The following PDCL3 variants were observed in gnomAD, a reference collection of about 807,000 sequenced individuals.
PDCL3 encodes phosducin like 3.
PDCL3 carries 22 observed loss-of-function variants against 26.5 expected under a neutral mutation model. The observed-to-expected ratio is 0.83, with a 90% CI of 0.59 to 1.19. The LOEUF is 1.19. Ranked by LOEUF, PDCL3 falls within the 50% of genes most tolerant of loss-of-function variation. PDCL3 has a pLI of 0.00. For synonymous variants in PDCL3, 81 were observed against 104.9 expected (o/e 0.77, Z 1.39); for missense variants, 246 against 294.1 (o/e 0.84, Z 1.20).
chr2:100,565,766 A>G (rs979652320), intron 1 of PDCL3, among the ~76,000 whole-genome samples: 3 of 152,126 alleles, frequency 2.0e-5, no homozygotes, highest in African/African-American at 7.2e-5. Context: ...GTTTGTATAT[A>G]TACTTGTTTG....
intron 5 of PDCL3, among the ~76,000 whole-genome samples, chr2:100,575,207 C>T (rs761097189): frequency 9.9e-5 from 15 of 152,260 alleles, no homozygotes; most frequent in Non-Finnish European, 1.8e-4. Flanking sequence ...GCGATCTCGG[C>T]TCACTGCAAG....
chr2:100,564,357 C>G (rs1398863918), intron 1 of PDCL3, among the ~76,000 whole-genome samples: 1 of 151,902 alleles, frequency 6.6e-6, no homozygotes, highest in Non-Finnish European at 1.5e-5. Context: ...AGTGCAGTGG[C>G]GCGACCTCGG....
intron 5 of PDCL3, 67 bp downstream of exon 5, chr2:100,571,865 C>T: frequency 1.3e-6 from 2 of 1,503,270 alleles, no homozygotes; most frequent in Non-Finnish European, 1.9e-6. Context: ...GAGAGAGTGT[C>T]TATTTCCTGG....
chr2:100,564,064 C>CA (rs1675012594), intron 1 of PDCL3, among the ~76,000 whole-genome samples: 1 of 150,648 alleles, frequency 6.6e-6, no homozygotes, highest in African/African-American at 2.4e-5. Flanking sequence ...GGCGTGCACC[C>CA]ACCACTCTGG....
Position 100,568,978 on chromosome 2 carries a change from G to C in PDCL3, c.181G>C (p.Asp61His). 1 of 1,614,114 alleles carries C rather than the reference G, an allele frequency of 6.2e-7. No homozygotes were observed. Among genetic ancestry groups the C allele is most frequent in the East Asian group, 2.2e-5 (1 of 44,888 alleles). The part of the protein sequence containing the change: ...MTLEELEDHE[D>H]EFNEEDERAI... ...TTTGGAAGAGCTGGAGGATCATGAAGACGAGTTTAATGAGGAGGATGAACG... is the reference window on the plus strand; with the variant it reads ...TTTGGAAGAGCTGGAGGATCATGAACACGAGTTTAATGAGGAGGATGAACG... The change falls in exon 3 of 6, where the codon GAC becomes CAC. Residue 61 changes from aspartate (D) to histidine (H), a missense_variant. Asp to His is a moderately conservative substitution (Grantham distance 81). Transcript: ENST00000264254.
In PDCL3 at chr2:100,566,607, G is replaced by A. The variant is rs760479644; in HGVS notation, c.111G>A (p.Gln37=). 1 of 1,613,928 alleles carries A rather than the reference G, an allele frequency of 6.2e-7. No homozygotes were observed. The highest frequency in any genetic ancestry group is 8.5e-7 in the Non-Finnish European group (1 of 1,179,960). Residue 37 remains glutamine, a synonymous_variant, in exon 2 of 6, where the codon CAG becomes CAA. Transcript: ENST00000264254. ...TGGAAGAGGAGGCAGAAGAGGAGCA[G>A]CGCATCCTCCAGCAGTCAGTGGGTG... ...KELEEEAEEE[Q]RILQQSVVKT...
Position 100,569,722 on chromosome 2 carries a change from G to T in PDCL3, c.368+1G>T. The T allele has an allele frequency of 1.9e-6, 3 of 1,603,660 alleles. No individual in the cohort carries two copies. Among genetic ancestry groups the T allele is most frequent in the Non-Finnish European group, 2.6e-6 (3 of 1,175,774 alleles). ...TCATCTTGCACCTTTACAAACAAGG[G>T]TGAGCTGATCTTCCACTCCATCTAT... On this transcript the variant is annotated splice_donor_variant, in intron 4 of 5. Coordinates refer to ENST00000264254, the MANE Select transcript of PDCL3 (RefSeq NM_024065.5). LOFTEE classifies it high-confidence loss of function.
At chr2:100,563,110 C>T in intron 1 of PDCL3, 37 bp downstream of exon 1, 2 of 1,589,700 alleles carry the variant, frequency 1.3e-6, no homozygotes, top group Non-Finnish European at 8.6e-7. Context: ...GGGGCTGCGG[C>T]CCGTTCCTTT....
At chr2:100,567,867 G>A (rs950721301) in intron 2 of PDCL3, among the ~76,000 whole-genome samples, 23 of 150,584 alleles carry the variant, frequency 1.5e-4, no homozygotes, top group African/African-American at 5.4e-4. Context: ...CTCTTACCCA[G>A]GCTGGACTGC....
intron 4 of PDCL3, 40 bp downstream of exon 4, chr2:100,569,761 G>T: frequency 6.3e-7 from 1 of 1,586,304 alleles, no homozygotes; most frequent in South Asian, 1.2e-5. Context: ...ATGTTAATTT[G>T]AATTTATGTC....
chr2:100,573,187 T>G (rs1181046381), intron 5 of PDCL3, among the ~76,000 whole-genome samples: 1 of 152,030 alleles, frequency 6.6e-6, no homozygotes, highest in African/African-American at 2.4e-5. Context: ...CCGGCTGTGT[T>G]TTTAAATTCC....
intron 1 of PDCL3, 74 bp downstream of exon 1, chr2:100,563,147 G>A (rs907168271): frequency 2.6e-6 from 4 of 1,518,442 alleles, no homozygotes; most frequent in African/African-American, 2.8e-5. Flanking sequence ...GCGGGCAGTG[G>A]ACGCCCGCCC....
chr2:100,573,214 A>G (rs993193652), intron 5 of PDCL3, among the ~76,000 whole-genome samples: 9 of 152,108 alleles, frequency 5.9e-5, no homozygotes, highest in African/African-American at 1.9e-4. Flanking sequence ...CCTGTTAAAC[A>G]TGGAGGTATC....
chr2:100,568,011 C>T (rs1312399774), intron 2 of PDCL3, among the ~76,000 whole-genome samples: 2 of 152,082 alleles, frequency 1.3e-5, no homozygotes, highest in East Asian at 3.9e-4. Flanking sequence ...GATGAGGTTT[C>T]ACCATGTTGG....
intron 1 of PDCL3, among the ~76,000 whole-genome samples, chr2:100,565,990 G>A (rs935460928): frequency 2.5e-4 from 38 of 152,074 alleles, no homozygotes; most frequent in Admixed American, 3.9e-4. Context: ...TGCAAGCTCC[G>A]CCTCCCGGGT....
intron 4 of PDCL3, among the ~76,000 whole-genome samples, chr2:100,570,997 A>G (rs1216888032): frequency 6.7e-6 from 1 of 149,388 alleles, no homozygotes; most frequent in African/African-American, 2.4e-5. Flanking sequence ...TCAGCTGGGC[A>G]TGGTGGCTTA....
intron 1 of PDCL3, among the ~76,000 whole-genome samples, chr2:100,564,321 G>C (rs562611853): frequency 6.6e-6 from 1 of 151,668 alleles, no homozygotes; most frequent in African/African-American, 2.4e-5. Context: ...TTTTGAGACA[G>C]AGTCTTGCTC....
At chr2:100,565,891 ATCAC>A (rs1315072999) in intron 1 of PDCL3, among the ~76,000 whole-genome samples, 1 of 152,122 alleles carries the variant, frequency 6.6e-6, no homozygotes, top group Non-Finnish European at 1.5e-5. Flanking sequence ...TGTTGAATGA[ATCAC>A]TCAGTCATTA....
chr2:100,570,741 G>T (rs187250015), intron 4 of PDCL3, among the ~76,000 whole-genome samples: 1 of 152,088 alleles, frequency 6.6e-6, no homozygotes, highest in Non-Finnish European at 1.5e-5. Flanking sequence ...CTCCCAAAGT[G>T]CTGGGATTAC....
Sources: allele counts gnomAD v4.1 joint callset (sites outside exome capture counted in the v4.1 genomes callset), GRCh38; gene constraint gnomAD v4.1.1; transcripts MANE v1.5; gene names NCBI Gene and HGNC (gene_info 2026-07-23, HGNC 2026-07-21).